The following STXBP5L variants were observed in gnomAD, a reference collection of about 807,000 sequenced individuals.
STXBP5L encodes the protein syntaxin binding protein 5L, also known as syntaxin-binding protein 5-like.
Under a neutral mutation model 144.5 loss-of-function variants are expected in STXBP5L, and 65 were observed. The ratio of observed to expected loss-of-function variants is 0.45; its 90% CI spans 0.37 to 0.55. STXBP5L has a LOEUF of 0.55. Ranked by LOEUF, STXBP5L falls within the 20% of genes least tolerant of loss-of-function variation. The pLI is 0.00. For synonymous variants in STXBP5L, 505 were observed against 469.6 expected, an observed-to-expected ratio of 1.08 and a Z score of -0.97; for missense variants, 1,298 against 1,405.5, an observed-to-expected ratio of 0.92 and a Z score of 1.22.
At chr3:121,201,081 G>T (rs765205348) in intron 9 of STXBP5L, among the ~76,000 whole-genome samples, 5 of 151,946 alleles carry the variant, frequency 3.3e-5, no homozygotes, top group Non-Finnish European at 7.4e-5. Flanking sequence ...TTGATAGTGG[G>T]GTGTTAAATT....
At chr3:121,088,357 G>A (rs1356585976) in intron 5 of STXBP5L, among the ~76,000 whole-genome samples, 3 of 113,498 alleles carry the variant, frequency 2.6e-5, no homozygotes, top group East Asian at 4.5e-4. Flanking sequence ...ATCATCACTG[G>A]CCATCAGAGA....
At chr3:121,073,345 A>G (rs2041885125) in intron 5 of STXBP5L, among the ~76,000 whole-genome samples, 1 of 152,240 alleles carries the variant, frequency 6.6e-6, no homozygotes, top group African/African-American at 2.4e-5. Context: ...TTAGATAGCC[A>G]GTGATGCCCC....
intron 8 of STXBP5L, among the ~76,000 whole-genome samples, chr3:121,153,620 A>G (rs973590917): frequency 6.6e-6 from 1 of 151,912 alleles, no homozygotes; most frequent in African/African-American, 2.4e-5. Context: ...CATCCCCCTC[A>G]TAACAGTTAA....
At chr3:121,321,900 C>T (rs2043983026) in intron 20 of STXBP5L, among the ~76,000 whole-genome samples, 1 of 152,150 alleles carries the variant, frequency 6.6e-6, no homozygotes, top group African/African-American at 2.4e-5. Context: ...AGGTTTGTTA[C>T]ATGGGTATAT....
rs1221412176 is a variant in STXBP5L, at chr3:121,407,326, G to A, written c.2671G>A (p.Val891Ile). 5 of 1,612,556 alleles carry A rather than the reference G, an allele frequency of 3.1e-6. No homozygotes were observed. The highest frequency in any genetic ancestry group is 1.7e-5 in the Admixed American group (1 of 59,788). ...MGGLMQPPYE[V>I]WRDPNNIDEN... Reference sequence around the variant, plus strand: ...TGGATTAATGCAACCGCCATATGAAGTTTGGAGGGATCCAAACAACATAGA... The same window carrying A: ...TGGATTAATGCAACCGCCATATGAAATTTGGAGGGATCCAAACAACATAGA... The change falls in exon 23 of 27, where the codon GTT (valine) becomes ATT (isoleucine). Residue 891 changes from valine to isoleucine, a missense_variant. Transcript: ENST00000471454.
intron 19 of STXBP5L, among the ~76,000 whole-genome samples, chr3:121,291,402 T>C (rs146084553): frequency 2.3e-4 from 35 of 152,138 alleles, no homozygotes; most frequent in African/African-American, 7.9e-4. Context: ...AAATAAATAA[T>C]GGACAACACA....
intron 2 of STXBP5L, among the ~76,000 whole-genome samples, chr3:120,933,784 C>G (rs1224845784): frequency 6.6e-6 from 1 of 151,988 alleles, no homozygotes; most frequent in Non-Finnish European, 1.5e-5. Flanking sequence ...TGATAGTGGA[C>G]AAGAATTTAA....
chr3:121,403,038 C>A (rs1370999077), intron 22 of STXBP5L, among the ~76,000 whole-genome samples: 2 of 152,136 alleles, frequency 1.3e-5, no homozygotes, highest in African/African-American at 4.8e-5. Context: ...CCAAAACTTG[C>A]TTTTCTGTCT....
intron 5 of STXBP5L, among the ~76,000 whole-genome samples, chr3:121,075,406 G>A (rs1290727872): frequency 6.6e-6 from 1 of 152,184 alleles, no homozygotes; most frequent in African/African-American, 2.4e-5. Context: ...GCTGCTGCCA[G>A]CAAGTCTGCC....
chr3:121,340,696 T>A (rs1044660096), intron 20 of STXBP5L, among the ~76,000 whole-genome samples: 5 of 152,070 alleles, frequency 3.3e-5, no homozygotes, highest in African/African-American at 7.2e-5. Context: ...TTCCATGGTG[T>A]ATATGAAGGC....
intron 3 of STXBP5L, among the ~76,000 whole-genome samples, chr3:121,036,772 A>AT (rs3863971): frequency 0.086 from 10,502 of 122,090 alleles, 467 homozygotes; most frequent in Middle Eastern, 0.13. Context: ...ACATTGATTG[A>AT]TTTTTTTTTT....
chr3:120,982,310 G>A (rs1941859919), intron 3 of STXBP5L, among the ~76,000 whole-genome samples: 2 of 152,192 alleles, frequency 1.3e-5, no homozygotes, highest in South Asian at 4.1e-4. Flanking sequence ...GGGGGACAAA[G>A]CTGGGTGGAA....
chr3:121,018,630 C>T (rs1437097422), intron 3 of STXBP5L, among the ~76,000 whole-genome samples: 4 of 151,646 alleles, frequency 2.6e-5, no homozygotes, highest in Non-Finnish European at 4.4e-5. Flanking sequence ...TTATAAAACT[C>T]TTAGAAGATA....
At chr3:121,074,726 A>T (rs538406328) in intron 5 of STXBP5L, among the ~76,000 whole-genome samples, 48 of 152,286 alleles carry the variant, frequency 3.2e-4, no homozygotes, top group Admixed American at 8.5e-4. Context: ...AGGGGTCATT[A>T]TCATGCCTTT....
chr3:121,418,684 T>C (rs1300866402), intron 26 of STXBP5L, 127 bp downstream of exon 26: 13 of 934,070 alleles, frequency 1.4e-5, no homozygotes, highest in Non-Finnish European at 1.9e-5. Flanking sequence ...GTAACCTAGA[T>C]CTCTTCTAAG....
chr3:121,026,215 C>A (rs555727818), intron 3 of STXBP5L, among the ~76,000 whole-genome samples: 1 of 151,802 alleles, frequency 6.6e-6, no homozygotes, highest in African/African-American at 2.4e-5. Context: ...GTTCCAAGCA[C>A]CATTAACCTT....
At chr3:120,983,970 A>T (rs922246670) in intron 3 of STXBP5L, among the ~76,000 whole-genome samples, 11 of 152,236 alleles carry the variant, frequency 7.2e-5, no homozygotes, top group Admixed American at 7.2e-4. Context: ...TAACTGTGGC[A>T]TCCCTGGTGA....
intron 14 of STXBP5L, among the ~76,000 whole-genome samples, chr3:121,242,423 A>G (rs907811321): frequency 8.5e-5 from 13 of 152,166 alleles, no homozygotes; most frequent in Admixed American, 4.6e-4. Context: ...AGGCTTTTAT[A>G]TATCTTGAAC....
intron 3 of STXBP5L, among the ~76,000 whole-genome samples, chr3:120,958,302 G>A (rs1219255321): frequency 6.6e-6 from 1 of 152,290 alleles, no homozygotes; most frequent in South Asian, 2.1e-4. Flanking sequence ...GGACCAGATG[G>A]ATTCACAGCC....
Sources: gnomAD v4.1 joint callset for allele counts (sites outside exome capture counted in the v4.1 genomes callset) on GRCh38, gnomAD v4.1.1 for gene constraint, MANE v1.5 for transcripts, NCBI Gene and HGNC (gene_info 2026-07-23, HGNC 2026-07-21) for gene names.